CARMIL2: variants seen among roughly 807,000 people sequenced by gnomAD.
The protein encoded by CARMIL2 is capping protein, Arp2/3 and myosin-I linker protein 2.
A neutral mutation model predicts 173.3 loss-of-function variants in CARMIL2; 96 were observed. The ratio of observed to expected loss-of-function variants is 0.55; its 90% CI spans 0.47 to 0.66. The LOEUF (loss-of-function observed/expected upper bound fraction) is 0.66. CARMIL2 is among the 30% of genes least tolerant of loss of function. The probability of loss-of-function intolerance (pLI) is 0.00; values close to 1 mark genes in which losing one functional copy is unlikely to be tolerated. For missense variants in CARMIL2, 1,771 were observed against 1,906.7 expected (o/e 0.93, Z 1.33); for synonymous variants, 830 against 817.1 (o/e 1.02, Z -0.27).
At chr16:67,655,301 G>A (rs1158614952) in intron 32 of CARMIL2, among the ~76,000 whole-genome samples, 3 of 152,154 alleles carry the variant, frequency 2.0e-5, no homozygotes, top group South Asian at 2.1e-4. Flanking sequence ...GTGTGGCGGT[G>A]GGCACTTGTA....
chr16:67,645,392 C>A, intron 1 of CARMIL2, 106 bp downstream of exon 1: 1 of 1,407,062 alleles, frequency 7.1e-7, no homozygotes, highest in Non-Finnish European at 9.8e-7. Flanking sequence ...GTCCTCCCTG[C>A]TCCCCAGGAG....
Position 67,657,072 on chromosome 16 carries a change from C to T in CARMIL2, c.4118-167C>T, listed in dbSNP as rs890042398. 86 of 776,344 alleles carry T rather than the reference C, an allele frequency of 1.1e-4. 2 individuals carry two copies. The South Asian group carries it at 1.3e-3, about 12-fold the overall frequency. 48.1% of individuals were successfully genotyped at this position (776,344 alleles called of 1,614,324 possible). A position where few individuals can be genotyped will look rare whatever the true frequency, so the allele number is the denominator to read the frequency against. On this transcript the variant is annotated intron_variant, in intron 36 of 37. Coordinates refer to ENST00000334583, the MANE Select transcript of CARMIL2 (RefSeq NM_001013838.3). The surrounding 1 kb of genome is among the most constrained non-coding windows in gnomAD (Gnocchi z 4.5). ...TCCAACTAGCACTGGCTCCACTTCC[C>T]GAAGAGCAGCCTCTGCCAGGGGTGA...
chr16:67,646,029 G>A lies in CARMIL2; in HGVS notation c.198G>A (p.Thr66=), dbSNP rs372198712. 7 of 1,613,796 alleles carry A rather than the reference G, an allele frequency of 4.3e-6. No individual in the cohort carries two copies. The highest frequency in any genetic ancestry group is 1.6e-4 in the Middle Eastern group (1 of 6,062). The part of the protein sequence containing the change: ...TTCLPLRVDC[T]FSYLEVQAMA... The stretch of plus-strand genomic sequence containing the variant: ...TAGGCCCTTTCTAGGTGGACTGCAC[G>A]TTCAGCTACCTGGAGGTCCAGGCCA... The change falls in exon 4 of 38, where the codon ACG becomes ACA. Residue 66 remains threonine, a synonymous_variant. Transcript: ENST00000334583. The surrounding 1 kb of genome is among the most constrained non-coding windows in gnomAD (Gnocchi z 4.6).
Position 67,652,129 on chromosome 16 carries a change from C to T in CARMIL2, c.2677-70C>T. ...ATGTAGCCCAGGGCTATTTCAGGGT[C>T]CCCTTAGTTAGCATCAATGGGATCA... On this transcript the variant is annotated intron_variant, in intron 26 of 37. Coordinates refer to ENST00000334583, the MANE Select transcript of CARMIL2 (RefSeq NM_001013838.3). The surrounding 1 kb of genome is among the most constrained non-coding windows in gnomAD (Gnocchi z 4.7). 7 of 1,597,024 alleles carry T rather than the reference C, an allele frequency of 4.4e-6. No individual in the cohort carries two copies. Among genetic ancestry groups the T allele is most frequent in the South Asian group, 1.1e-5 (1 of 90,292 alleles).
rs780202597 is a variant in CARMIL2, at chr16:67,649,420, C to T, written c.1747-27C>T. On this transcript the variant is annotated intron_variant, in intron 19 of 37. Coordinates refer to ENST00000334583, the MANE Select transcript of CARMIL2 (RefSeq NM_001013838.3). The surrounding 1 kb of genome is among the most constrained non-coding windows in gnomAD (Gnocchi z 6.7). Reference sequence around the variant, plus strand: ...TGCCCTCACTGACCCCTGACTCCAGCCATCAATGGCTTTCTCTTAACCCCA... The same window carrying T: ...TGCCCTCACTGACCCCTGACTCCAGTCATCAATGGCTTTCTCTTAACCCCA... The T allele has an allele frequency of 5.6e-6, 9 of 1,611,554 alleles. No individual in the cohort carries two copies. The highest frequency in any genetic ancestry group is 7.6e-6 in the Non-Finnish European group (9 of 1,179,824).
At position 67,648,578 on chromosome 16, in the gene CARMIL2, T is replaced by A; in HGVS notation, c.1439+76T>A. ...GGCCTTCGCCCCTCCCCGCTCCTGC[T>A]TCTGTCGCTCCCACAACCTCCCCCA... On this transcript the variant is annotated intron_variant, in intron 15 of 37. Transcript: ENST00000334583. This position sits in a 1 kb window ranked among gnomAD's most constrained non-coding sequence, Gnocchi z 6.1. The A allele has an allele frequency of 7.1e-7, 1 of 1,398,850 alleles. No homozygotes were observed. The highest frequency in any genetic ancestry group is 9.8e-7 in the Non-Finnish European group (1 of 1,025,160). The allele number at this position is 1,398,850 out of a possible 1,614,324, so 86.7% of individuals were successfully genotyped here.
At position 67,649,673 on chromosome 16, in the gene CARMIL2, G is replaced by A; in HGVS notation, c.1919+54G>A. 1.3e-6 allele frequency: 2 copies of A among 1,557,090 alleles called. No homozygotes were observed. The highest frequency in any genetic ancestry group is 1.7e-6 in the Non-Finnish European group (2 of 1,154,652). On this transcript the variant is annotated intron_variant, in intron 20 of 37. Transcript: ENST00000334583. This position sits in a 1 kb window ranked among gnomAD's most constrained non-coding sequence, Gnocchi z 6.7. ...CGGGCAGGGGGCGCGGTGGAGAGGA[G>A]GGCACCGGGCTAAGGGGAGGGACTG... is the stretch of plus-strand genomic sequence containing the variant.
rs756751997 is a variant in CARMIL2, at chr16:67,646,075, C to T, written c.244C>T (p.Pro82Ser). Residue 82 changes from proline (P) to serine (S), a missense_variant, in exon 4 of 38, where the codon CCT (proline) becomes TCT (serine). Physicochemically the swap from Pro to Ser is moderately conservative, Grantham distance 74. Around this residue, in one of 3 missense-constraint regions of CARMIL2, gnomAD observed 944 missense variants for 975.6 expected, o/e 0.97. Transcript: ENST00000334583. The surrounding 1 kb of genome is among the most constrained non-coding windows in gnomAD (Gnocchi z 4.6). Reference protein sequence around the residue: ...VQAMALQETPPQVTFELESLR... With the variant: ...VQAMALQETPSQVTFELESLR... ...GGCCATGGCGCTGCAGGAGACACCC[C>T]CTCAGGTGAGACACCTAGTACCCTA... 17 of 1,613,682 alleles carry T rather than the reference C, an allele frequency of 1.1e-5. No individual in the cohort carries two copies. The East Asian group carries it at 3.3e-4, about 32-fold the overall frequency.
In CARMIL2 at chr16:67,646,951, G is replaced by T. The variant is rs759719206; in HGVS notation, c.589G>T (p.Asp197Tyr). 1.9e-6 allele frequency: 3 copies of T among 1,613,600 alleles called. No homozygotes were observed. In the South Asian group the frequency reaches 3.3e-5, roughly 18 times the overall value. Residue 197 changes from aspartate to tyrosine, a missense_variant, in exon 8 of 38, where the codon GAC (aspartate) becomes TAC (tyrosine). Transcript: ENST00000334583. The surrounding 1 kb of genome is among the most constrained non-coding windows in gnomAD (Gnocchi z 4.6). ...GGGCTGCCGCCATTTCAGCCTGGGA[G>T]ACTTCAGCCACCTCGGCAGTCGGTG... ...RQGCRHFSLG[D>Y]FSHLGSRDLA...
Position 67,653,120 on chromosome 16 carries a change from G to A in CARMIL2, c.2986G>A (p.Ala996Thr), listed in dbSNP as rs1490872497. The A allele has an allele frequency of 5.3e-6, 6 of 1,124,880 alleles. No homozygotes were observed. In the African/African-American group the frequency reaches 6.7e-5, roughly 13 times the overall value. 69.7% of individuals were successfully genotyped at this position (1,124,880 alleles called of 1,614,324 possible). A position where few individuals can be genotyped will look rare whatever the true frequency, so the allele number is the denominator to read the frequency against. ...CGCGCGCGGCTCTCCGAGCCCTGCC[G>A]CCCCTGGGCCCCCGGCCGGCCCGCT... ...PSARGSPSPAAPGPPAGPLPR... is the reference protein window; with the variant it reads ...PSARGSPSPATPGPPAGPLPR... Residue 996 changes from alanine to threonine, a missense_variant, in exon 29 of 38, where the codon GCC becomes ACC. Around this residue, in one of 3 missense-constraint regions of CARMIL2, gnomAD observed 817 missense variants for 903.5 expected, o/e 0.90. Coordinates refer to ENST00000334583, the MANE Select transcript of CARMIL2 (RefSeq NM_001013838.3). The surrounding 1 kb of genome is among the most constrained non-coding windows in gnomAD (Gnocchi z 7.4).
At chr16:67,645,352 C>A in intron 1 of CARMIL2, 66 bp downstream of exon 1, 2 of 1,530,584 alleles carry the variant, frequency 1.3e-6, no homozygotes, top group Non-Finnish European at 1.8e-6. Flanking sequence ...ATCAGAGGCC[C>A]ACCCAGCGCC....
In CARMIL2 at chr16:67,646,699, C is replaced by T. The variant is rs769400146; in HGVS notation, c.467-15C>T. ...CTCTCTCCTTTTCCACATCGCACCC[C>T]TATCCCCTCCCCAGGTGGCTTCTTG... On this transcript the variant is annotated splice_polypyrimidine_tract_variant and intron_variant, in intron 6 of 37. Coordinates refer to ENST00000334583, the MANE Select transcript of CARMIL2 (RefSeq NM_001013838.3). The surrounding 1 kb of genome is among the most constrained non-coding windows in gnomAD (Gnocchi z 4.6). The T allele has an allele frequency of 5.6e-6, 9 of 1,613,650 alleles. No individual in the cohort carries two copies. The highest frequency in any genetic ancestry group is 1.1e-5 in the South Asian group (1 of 91,078).
chr16:67,655,910 C>A, intron 32 of CARMIL2, 121 bp from the exon 33 acceptor site: 1 of 1,172,486 alleles, frequency 8.5e-7, no homozygotes, highest in Non-Finnish European at 1.2e-6. Flanking sequence ...ACTGGGTTTG[C>A]CATGTTCTTG....
At chr16:67,645,687 C>G in intron 2 of CARMIL2, 37 bp from the exon 3 acceptor site, 2 of 1,613,414 alleles carry the variant, frequency 1.2e-6, no homozygotes, top group Non-Finnish European at 1.7e-6. Flanking sequence ...GAAAGAGCCT[C>G]TTGCTCTGCC....
In CARMIL2 at chr16:67,649,200, C is replaced by G; in HGVS notation, c.1688+28C>G. 1 of 1,612,970 alleles carries G rather than the reference C, an allele frequency of 6.2e-7. No individual in the cohort carries two copies. Among genetic ancestry groups the G allele is most frequent in the Non-Finnish European group, 8.5e-7 (1 of 1,179,446 alleles). On this transcript the variant is annotated intron_variant, in intron 18 of 37. Coordinates refer to ENST00000334583, the MANE Select transcript of CARMIL2 (RefSeq NM_001013838.3). This position sits in a 1 kb window ranked among gnomAD's most constrained non-coding sequence, Gnocchi z 6.7. Reference sequence around the variant, plus strand: ...GAGCCCCCACCCTACTCCTGGGCCTCCCAGACAACACCCCACCACCCCTGT... The same window carrying G: ...GAGCCCCCACCCTACTCCTGGGCCTGCCAGACAACACCCCACCACCCCTGT...
Position 67,654,765 on chromosome 16 carries a change from T to G in CARMIL2, c.3583-13T>G. 6.2e-7 allele frequency: 1 copy of G among 1,613,296 alleles called. No individual in the cohort carries two copies. Among genetic ancestry groups the G allele is most frequent in the East Asian group, 2.2e-5 (1 of 44,890 alleles). Reference sequence around the variant, plus strand: ...GCGCGGACTGTCTCCAACTCGAGCATCTCTGTCCCTAGCGGCGGCCCCTGG... The same window carrying G: ...GCGCGGACTGTCTCCAACTCGAGCAGCTCTGTCCCTAGCGGCGGCCCCTGG... On this transcript the variant is annotated splice_polypyrimidine_tract_variant and intron_variant, in intron 31 of 37. Coordinates refer to ENST00000334583, the MANE Select transcript of CARMIL2 (RefSeq NM_001013838.3).
At position 67,656,520 on chromosome 16, in the gene CARMIL2, G is replaced by C. The variant is rs1341181305; in HGVS notation, c.3911G>C (p.Gly1304Ala). 1 of 1,613,486 alleles carries C rather than the reference G, an allele frequency of 6.2e-7. No homozygotes were observed. The highest frequency in any genetic ancestry group is 8.5e-7 in the Non-Finnish European group (1 of 1,179,842). The change falls in exon 35 of 38, where the codon GGT (glycine) becomes GCT (alanine). Residue 1304 changes from glycine to alanine, a missense_variant. Gly to Ala is a moderately conservative substitution (Grantham distance 60). Transcript: ENST00000334583. ...QQLNAELRSRGWGQQDGPGPP... is the reference protein window; with the variant it reads ...QQLNAELRSRAWGQQDGPGPP... ...TTGAATGCGGAGCTCAGGAGCCGTG[G>C]TTGGGGCCAACAGGATGGTCCAGGC...
chr16:67,648,630 C>T lies in CARMIL2; in HGVS notation c.1440-55C>T. On this transcript the variant is annotated intron_variant, in intron 15 of 37. Coordinates refer to ENST00000334583, the MANE Select transcript of CARMIL2 (RefSeq NM_001013838.3). This position sits in a 1 kb window ranked among gnomAD's most constrained non-coding sequence, Gnocchi z 6.1. ...ATCCTGGCCCTGCCTCCTTCGTTCG[C>T]ACCCTGGAGCCCCCTGTCCCAGCTC... 5 of 1,546,920 alleles carry T rather than the reference C, an allele frequency of 3.2e-6. No homozygotes were observed. The highest frequency in any genetic ancestry group is 1.2e-5 in the South Asian group (1 of 84,950).
rs2052876229 is a variant in CARMIL2 at position 67,657,049 on chromosome 16, C to CAGTTGGA, written c.4117+169_4117+170insGTTGGAA. 13 of 754,864 alleles carry CAGTTGGA rather than the reference C, an allele frequency of 1.7e-5. No homozygotes were observed. In the East Asian group the frequency reaches 3.5e-4, roughly 20 times the overall value. The allele number at this position is 754,864 out of a possible 1,614,324, so 46.8% of individuals were successfully genotyped here. ...GCAAGGGTTTGACAGCAAGCCCTTCCAACTAGCACTGGCTCCACTTCCCGA... is the reference window on the plus strand; with the variant it reads ...GCAAGGGTTTGACAGCAAGCCCTTCCAGTTGGAAACTAGCACTGGCTCCACTTCCCGA... On this transcript the variant is annotated intron_variant, in intron 36 of 37. Coordinates refer to ENST00000334583, the MANE Select transcript of CARMIL2 (RefSeq NM_001013838.3). This position sits in a 1 kb window ranked among gnomAD's most constrained non-coding sequence, Gnocchi z 4.5.
Sources: allele counts gnomAD v4.1 joint callset (sites outside exome capture counted in the v4.1 genomes callset), GRCh38; gene constraint gnomAD v4.1.1; regional missense constraint gnomAD v4.1.1; non-coding constraint Gnocchi (gnomAD v3.1); transcripts MANE v1.5; gene names NCBI Gene and HGNC (gene_info 2026-07-23, HGNC 2026-07-21).